C8A: variants seen among roughly 807,000 people sequenced by gnomAD.
C8A encodes the protein complement C8 alpha chain, also known as complement component C8 alpha chain.
C8A carries 67 observed loss-of-function variants against 65.3 expected under a neutral mutation model. The ratio of observed to expected loss-of-function variants is 1.03; its 90% CI spans 0.84 to 1.26. The LOEUF (loss-of-function observed/expected upper bound fraction) is 1.26. Ranked by LOEUF, C8A falls within the 50% of genes most tolerant of loss-of-function variation. The pLI is 0.00. For missense variants in C8A, 781 were observed against 723.9 expected, an observed-to-expected ratio of 1.08 and a Z score of -0.90; for synonymous variants, 290 against 259.4, an observed-to-expected ratio of 1.12 and a Z score of -1.13.
chr1:56,887,925 T>A lies in C8A; in HGVS notation c.1096+1758T>A, dbSNP rs570695252. 3.2e-4 allele frequency among the ~76,000 whole-genome samples: 49 copies of A among 151,578 alleles called. No homozygotes were observed. The Middle Eastern group carries it at 0.017, about 53-fold the overall frequency. On this transcript the variant is annotated intron_variant, in intron 7 of 10. Coordinates refer to ENST00000361249, the MANE Select transcript of C8A (RefSeq NM_000562.3). ...ACAGGTTCTCACTCATAAGTGGGAGTTGAACAATGAGAACACATGAATACA... is the reference window on the plus strand; with the variant it reads ...ACAGGTTCTCACTCATAAGTGGGAGATGAACAATGAGAACACATGAATACA...
At chr1:56,903,007 A>T (rs1230371259) in intron 7 of C8A, among the ~76,000 whole-genome samples, 1 of 152,024 alleles carries the variant, frequency 6.6e-6, no homozygotes, top group Non-Finnish European at 1.5e-5. Flanking sequence ...CTGAGTGGGG[A>T]GTAATCTAAA....
At chr1:56,875,180 CT>C in intron 3 of C8A, 87 bp downstream of exon 3, 1 of 1,447,530 alleles carries the variant, frequency 6.9e-7, no homozygotes. Context: ...AAAATGCATA[CT>C]CCTGAGCCCT....
At chr1:56,906,916 G>A in intron 8 of C8A, 124 bp downstream of exon 8, 1 of 1,192,686 alleles carries the variant, frequency 8.4e-7, no homozygotes. Context: ...AGACTGCATA[G>A]ACGCTAAATA....
At chr1:56,882,297 G>A (rs1003380222) in intron 5 of C8A, among the ~76,000 whole-genome samples, 8 of 152,088 alleles carry the variant, frequency 5.3e-5, no homozygotes, top group African/African-American at 4.8e-5. Context: ...TCCACACAGC[G>A]AACATCATTG....
rs1433459517 is a variant in C8A, at chr1:56,908,073, G to T, written c.1340G>T (p.Gly447Val). The stretch of plus-strand genomic sequence containing the variant: ...AGCACCATTACATACCGTTCCTGGG[G>T]GAGGTCATTAAAGTATAATCCTGTT... Reference protein sequence around the residue: ...NRSTITYRSWGRSLKYNPVVI... With the variant: ...NRSTITYRSWVRSLKYNPVVI... The change falls in exon 9 of 11, where the codon GGG (glycine) becomes GTG (valine). Residue 447 changes from glycine (G) to valine (V), a missense_variant. Gly to Val is a moderately radical substitution (Grantham distance 109, BLOSUM62 -3). Coordinates refer to ENST00000361249, the MANE Select transcript of C8A (RefSeq NM_000562.3). 2 of 1,614,140 alleles carry T rather than the reference G, an allele frequency of 1.2e-6. No individual in the cohort carries two copies. Among genetic ancestry groups the T allele is most frequent in the South Asian group, 1.1e-5 (1 of 91,076 alleles).
intron 7 of C8A, among the ~76,000 whole-genome samples, chr1:56,898,509 C>T (rs1462675877): frequency 1.3e-5 from 2 of 152,120 alleles, no homozygotes; most frequent in African/African-American, 4.8e-5. Flanking sequence ...GAATTTTGCA[C>T]CTCTCCCTCT....
chr1:56,877,830 T>C (rs1644212511), intron 4 of C8A, among the ~76,000 whole-genome samples: 1 of 152,116 alleles, frequency 6.6e-6, no homozygotes, highest in African/African-American at 2.4e-5. Context: ...CCTCATTCAT[T>C]ATGGTTAATT....
At chr1:56,878,247 C>T (rs1377230113) in intron 4 of C8A, among the ~76,000 whole-genome samples, 2 of 152,094 alleles carry the variant, frequency 1.3e-5, no homozygotes, top group African/African-American at 2.4e-5. Context: ...TTAAGGACTC[C>T]GTCTCCAAAT....
chr1:56,880,401 T>C (rs879755834), intron 4 of C8A, among the ~76,000 whole-genome samples: 3 of 152,142 alleles, frequency 2.0e-5, no homozygotes, highest in Non-Finnish European at 4.4e-5. Flanking sequence ...GCTGTTTTAG[T>C]TTCATACTCT....
chr1:56,908,062 C>G lies in C8A; in HGVS notation c.1329C>G (p.Tyr443Ter). 1 of 1,614,124 alleles carries G rather than the reference C, an allele frequency of 6.2e-7. No individual in the cohort carries two copies. Among genetic ancestry groups the G allele is most frequent in the Non-Finnish European group, 8.5e-7 (1 of 1,179,998 alleles). Residue 443 changes from tyrosine (Y) to a stop codon, truncating the protein, a stop_gained, in exon 9 of 11, where the codon TAC (tyrosine) becomes TAG (stop). Coordinates refer to ENST00000361249, the MANE Select transcript of C8A (RefSeq NM_000562.3). LOFTEE classifies it high-confidence loss of function. ...CACAGAACAGGAGCACCATTACATACCGTTCCTGGGGGAGGTCATTAAAGT... is the reference window on the plus strand; with the variant it reads ...CACAGAACAGGAGCACCATTACATAGCGTTCCTGGGGGAGGTCATTAAAGT... ...GLAQNRSTIT[Y>*]RSWGRSLKYN...
At position 56,908,145 on chromosome 1, in the gene C8A, G is replaced by A. The variant is rs1741991; in HGVS notation, c.1380+32G>A. On this transcript the variant is annotated intron_variant, in intron 9 of 10. Coordinates refer to ENST00000361249, the MANE Select transcript of C8A (RefSeq NM_000562.3). ...CTTTTCGCAGTTGAAGAAACTCTAC[G>A]TCCATGAGGAATGAAAGTGAAGCAG... 3.7e-3 allele frequency: 5,898 copies of A among 1,606,296 alleles called. 199 individuals are homozygous for A. In the African/African-American group the frequency reaches 0.069, roughly 19 times the overall value.
Position 56,883,585 on chromosome 1 carries a change from C to T in C8A, c.759C>T (p.Gly253=), listed in dbSNP as rs1397498225. 27 of 1,613,796 alleles carry T rather than the reference C, an allele frequency of 1.7e-5. No homozygotes were observed. Among genetic ancestry groups the T allele is most frequent in the Non-Finnish European group, 2.3e-5 (27 of 1,179,924 alleles). Residue 253 remains glycine (G), a synonymous_variant, in exon 6 of 11, where the codon GGC becomes GGT. Transcript: ENST00000361249. ...CTGACTCATTTGGAGTGACCATCGGCATAGGCCCAGCCGGCAGCCCTTTAT... is the reference window on the plus strand; with the variant it reads ...CTGACTCATTTGGAGTGACCATCGGTATAGGCCCAGCCGGCAGCCCTTTAT... ...DKSDSFGVTI[G]IGPAGSPLLV... is the part of the protein sequence containing the mutation.
chr1:56,891,905 T>A (rs1431484454), intron 7 of C8A, among the ~76,000 whole-genome samples: 1 of 152,150 alleles, frequency 6.6e-6, no homozygotes, highest in East Asian at 1.9e-4. Context: ...AATTATATAT[T>A]TGTCTCTTCT....
chr1:56,872,539 G>T (rs1038734992), intron 2 of C8A, among the ~76,000 whole-genome samples: 1 of 152,192 alleles, frequency 6.6e-6, no homozygotes, highest in East Asian at 1.9e-4. Flanking sequence ...AACCTTTAGG[G>T]TATGAATTGT....
rs140956248 is a variant in C8A at position 56,875,233 on chromosome 1, A to G, written c.316+140A>G. On this transcript the variant is annotated intron_variant, in intron 3 of 10. Coordinates refer to ENST00000361249, the MANE Select transcript of C8A (RefSeq NM_000562.3). Reference sequence around the variant, plus strand: ...ATTCTCTAGGTTTGGGATGGGTCCTAGGAATCTGCATTTTAAGCCAAGCCA... The same window carrying G: ...ATTCTCTAGGTTTGGGATGGGTCCTGGGAATCTGCATTTTAAGCCAAGCCA... The G allele has an allele frequency of 5.7e-5, 52 of 919,884 alleles. No individual in the cohort carries two copies. The African/African-American group carries it at 8.0e-4, about 14-fold the overall frequency. The allele number at this position is 919,884 out of a possible 1,614,324, so 57.0% of individuals were successfully genotyped here. A position where few individuals can be genotyped will look rare whatever the true frequency, so the allele number is the denominator to read the frequency against.
chr1:56,883,280 T>C (rs888785474), intron 5 of C8A, among the ~76,000 whole-genome samples: 2 of 152,156 alleles, frequency 1.3e-5, no homozygotes, highest in African/African-American at 4.8e-5. Flanking sequence ...AAGTATTTTA[T>C]CAGTACCACT....
chr1:56,903,276 C>T (rs1644440116), intron 7 of C8A, among the ~76,000 whole-genome samples: 1 of 152,120 alleles, frequency 6.6e-6, no homozygotes, highest in South Asian at 2.1e-4. Context: ...ATGTTGTTCT[C>T]ATGATAATGG....
Position 56,907,545 on chromosome 1 carries a change from C to A in C8A, c.1223-411C>A, listed in dbSNP as rs546541327. On this transcript the variant is annotated intron_variant, in intron 8 of 10. Transcript: ENST00000361249. ...CCCCTACTGTATAGCTAACTAGTTT[C>A]TTTCACTGTGCCCACATTGAGTCCT... Among the ~76,000 whole-genome samples, 8 of 152,300 alleles carry A rather than the reference C, an allele frequency of 5.3e-5. No homozygotes were observed. The East Asian group carries it at 1.5e-3, about 29-fold the overall frequency.
Position 56,881,647 on chromosome 1 carries a change from A to T in C8A, c.654+13A>T, listed in dbSNP as rs1221899496. 9 of 1,611,652 alleles carry T rather than the reference A, an allele frequency of 5.6e-6. No individual in the cohort carries two copies. The highest frequency in any genetic ancestry group is 1.3e-5 in the African/African-American group (1 of 74,800). ...GTACCACTTTGAAGTAAGTCTGAAC[A>T]GAGGGGCTCTGAGGCCACTGTGGTG... On this transcript the variant is annotated intron_variant, in intron 5 of 10. Transcript: ENST00000361249.
Sources: allele counts gnomAD v4.1 joint callset (sites outside exome capture counted in the v4.1 genomes callset), GRCh38; gene constraint gnomAD v4.1.1; transcripts MANE v1.5; gene names NCBI Gene and HGNC (gene_info 2026-07-23, HGNC 2026-07-21).